Variants in EFHB observed in about 807,000 individuals in gnomAD.
The protein encoded by EFHB is EF-hand domain-containing family member B.
Under a neutral mutation model 87.2 loss-of-function variants are expected in EFHB, and 91 were observed. That is an observed-to-expected ratio of 1.04 (90% confidence interval 0.88 to 1.24). The LOEUF (loss-of-function observed/expected upper bound fraction) is 1.24. EFHB is among the 50% of genes most tolerant of loss of function. The pLI, the probability that EFHB is intolerant of heterozygous loss-of-function variation, is 0.00. For synonymous variants in EFHB, 325 were observed against 333.6 expected (o/e 0.97, Z 0.28); for missense variants, 1,084 against 998.8 (o/e 1.09, Z -1.15).
rs185420337 is a variant in EFHB at position 19,896,096 on chromosome 3, G to T, written c.1725+591C>A. On this transcript the variant is annotated intron_variant, in intron 9 of 12. Coordinates refer to ENST00000295824, the MANE Select transcript of EFHB (RefSeq NM_144715.4). The stretch of plus-strand genomic sequence containing the variant: ...AGCTTGACTTGGACCTAGAATGCAG[G>T]TACTCTGTGTACATATTCAGATTTA... Among the ~76,000 whole-genome samples, 3 of 152,264 alleles carry T rather than the reference G, an allele frequency of 2.0e-5. No individual in the cohort carries two copies. In the East Asian group the frequency reaches 5.8e-4, roughly 29 times the overall value.
intron 1 of EFHB, chr3:19,941,117 T>C: frequency 2.6e-6 from 1 of 379,466 alleles, no homozygotes. Context: ...TCTTTTCCAT[T>C]GAAAAAGTCT....
rs1559453024 is a variant in EFHB, at chr3:19,898,810, G to A, written c.1538C>T (p.Thr513Ile). 1.2e-6 allele frequency: 2 copies of A among 1,613,790 alleles called. No homozygotes were observed. The highest frequency in any genetic ancestry group is 2.2e-5 in the South Asian group (2 of 91,012). ...AETMNVPPDCTFGACLRPEEY... is the reference protein window; with the variant it reads ...AETMNVPPDCIFGACLRPEEY... ...CTCAGGACGGAGACAAGCTCCAAAT[G>A]TGCAGTCTGGGGGAACATTCATTGT... Residue 513 changes from threonine to isoleucine, a missense_variant, in exon 8 of 13, where the codon ACA (threonine) becomes ATA (isoleucine). Physicochemically the swap from Thr to Ile is moderately conservative, Grantham distance 89. Coordinates refer to ENST00000295824, the MANE Select transcript of EFHB (RefSeq NM_144715.4).
chr3:19,911,258 T>A (rs780194736), intron 5 of EFHB, among the ~76,000 whole-genome samples: 1 of 151,864 alleles, frequency 6.6e-6, no homozygotes, highest in Non-Finnish European at 1.5e-5. Flanking sequence ...GAGACTGAAA[T>A]AATTAAAAAG....
At chr3:19,936,099 AT>A, upstream of EFHB, 2 of 1,323,140 alleles carry the variant, frequency 1.5e-6, no homozygotes, top group South Asian at 2.1e-5. Flanking sequence ...ATCCAAAAAT[AT>A]TTTTTTAAAA....
chr3:19,945,566 T>TAAGCAG (rs1696255624), intron 1 of EFHB, among the ~76,000 whole-genome samples: 1 of 152,154 alleles, frequency 6.6e-6, no homozygotes, highest in African/African-American at 2.4e-5. Context: ...TGCCAGTCTC[T>TAAGCAG]AAGCAGAAGC....
intron 9 of EFHB, 56 bp from the exon 10 acceptor site, chr3:19,888,707 A>T: frequency 7.3e-7 from 1 of 1,364,734 alleles, no homozygotes; most frequent in Non-Finnish European, 1.0e-6. Context: ...AGAGCAGAGT[A>T]GGCAACATTA....
intron 12 of EFHB, among the ~76,000 whole-genome samples, chr3:19,880,748 C>T (rs57635959): frequency 0.17 from 25,899 of 151,422 alleles, 2,883 homozygotes; most frequent in African/African-American, 0.31. Context: ...CAGATGAAGG[C>T]GGGGAAAAAC....
chr3:19,936,247 G>T (rs887141393), upstream of EFHB: 6 of 751,054 alleles, frequency 8.0e-6, no homozygotes, highest in African/African-American at 6.9e-5. Flanking sequence ...CTATCTGAGA[G>T]GCTGAAGTGG....
intron 12 of EFHB, among the ~76,000 whole-genome samples, chr3:19,880,801 G>A (rs1213218366): frequency 6.6e-6 from 1 of 151,570 alleles, no homozygotes; most frequent in African/African-American, 2.4e-5. Flanking sequence ...AGGAAAGTAA[G>A]AACTAGTAGC....
At chr3:19,919,684 TA>T in intron 3 of EFHB, 148 bp downstream of exon 3, 1 of 811,408 alleles carries the variant, frequency 1.2e-6, no homozygotes. Flanking sequence ...CTGCTCAAGA[TA>T]AATGCTTTTG....
Position 19,933,946 on chromosome 3 carries a change from T to C in EFHB, c.73A>G (p.Lys25Glu). 1.2e-6 allele frequency: 2 copies of C among 1,613,842 alleles called. No homozygotes were observed. Among genetic ancestry groups the C allele is most frequent in the Non-Finnish European group, 1.7e-6 (2 of 1,179,810 alleles). The change falls in exon 1 of 13, where the codon AAA (lysine) becomes GAA (glutamate). Residue 25 changes from lysine (K) to glutamate (E), a missense_variant. Transcript: ENST00000295824. Reference sequence around the variant, plus strand: ...CTGATCCCCAACTCCATGGGAAATTTTGTTCCCATGATGACCCTCTTGTCT... The same window carrying C: ...CTGATCCCCAACTCCATGGGAAATTCTGTTCCCATGATGACCCTCTTGTCT... ...LGDKRVIMGT[K>E]FPMELGIRVG...
chr3:19,907,090 T>A (rs1350595575), intron 5 of EFHB, among the ~76,000 whole-genome samples: 1 of 146,884 alleles, frequency 6.8e-6, no homozygotes, highest in African/African-American at 2.5e-5. Flanking sequence ...ATAAAACTCA[T>A]AGAAGAAAAA....
At chr3:19,936,336 T>TTAAA, upstream of EFHB, 3 of 358,636 alleles carry the variant, frequency 8.4e-6, no homozygotes, top group Non-Finnish European at 9.6e-6. Context: ...GGCGACAGAC[T>TTAAA]GAAAAAAAAA....
At chr3:19,945,650 C>T (rs1241248851) in intron 1 of EFHB, among the ~76,000 whole-genome samples, 1 of 152,150 alleles carries the variant, frequency 6.6e-6, no homozygotes, top group Non-Finnish European at 1.5e-5. Context: ...TATCCTATTT[C>T]CTGACTCCTC....
chr3:19,899,162 A>G (rs1304394138), intron 7 of EFHB, among the ~76,000 whole-genome samples: 1 of 152,178 alleles, frequency 6.6e-6, no homozygotes, highest in Non-Finnish European at 1.5e-5. Flanking sequence ...AAATATAAAC[A>G]CAGTAAGTTA....
At chr3:19,924,315 G>C (rs904413014) in intron 1 of EFHB, among the ~76,000 whole-genome samples, 8 of 151,382 alleles carry the variant, frequency 5.3e-5, no homozygotes, top group African/African-American at 1.9e-4. Flanking sequence ...CCAGGTTCAA[G>C]TGATTCTCCT....
intron 5 of EFHB, among the ~76,000 whole-genome samples, chr3:19,911,527 C>T (rs1695062226): frequency 6.6e-6 from 1 of 151,906 alleles, no homozygotes; most frequent in South Asian, 2.1e-4. Flanking sequence ...CACTGGACTC[C>T]AGCCTGAGCA....
intron 1 of EFHB, among the ~76,000 whole-genome samples, chr3:19,928,433 A>T (rs1157032970): frequency 1.3e-5 from 2 of 152,166 alleles, no homozygotes; most frequent in Non-Finnish European, 2.9e-5. Flanking sequence ...CATCAAAATC[A>T]GAAAAGAGAC....
upstream of EFHB, chr3:19,936,308 C>CCATTG: frequency 1.7e-6 from 1 of 580,152 alleles, no homozygotes; most frequent in Non-Finnish European, 3.1e-6. Flanking sequence ...CATCATTGCA[C>CCATTG]CATTGCATGC....
Sources: allele counts gnomAD v4.1 joint callset (sites outside exome capture counted in the v4.1 genomes callset), GRCh38; gene constraint gnomAD v4.1.1; transcripts MANE v1.5; gene names NCBI Gene and HGNC (gene_info 2026-07-23, HGNC 2026-07-21).